Variants in FHOD3 observed in about 807,000 individuals in gnomAD.
The protein encoded by FHOD3 is formin homology 2 domain containing 3, also known as FH1/FH2 domain-containing protein 3.
In FHOD3, 90 loss-of-function variants were observed where a neutral mutation model predicts 173.0. That is an observed-to-expected ratio of 0.52 (90% confidence interval 0.44 to 0.62). The LOEUF is 0.62. Among genes scored for constraint, FHOD3 ranks in the 20% least tolerant of loss-of-function variants. The pLI, the probability that FHOD3 is intolerant of heterozygous loss-of-function variation, is 0.00. For missense variants in FHOD3, 1,945 were observed against 2,034.7 expected, an observed-to-expected ratio of 0.96 and a Z score of 0.85; for synonymous variants, 828 against 823.0, an observed-to-expected ratio of 1.01 and a Z score of -0.10.
intron 3 of FHOD3, among the ~76,000 whole-genome samples, chr18:36,495,886 A>C (rs1412145981): frequency 6.6e-6 from 1 of 152,254 alleles, no homozygotes; most frequent in East Asian, 1.9e-4. Flanking sequence ...ACACACCTGC[A>C]TAACCCAGAC....
At chr18:36,323,835 C>T (rs567124438) in intron 1 of FHOD3, among the ~76,000 whole-genome samples, 1 of 152,346 alleles carries the variant, frequency 6.6e-6, no homozygotes, top group African/African-American at 2.4e-5. Flanking sequence ...AAAGTACTAG[C>T]TTATGGTAGA....
intron 3 of FHOD3, among the ~76,000 whole-genome samples, chr18:36,484,817 C>T (rs2054110685): frequency 6.6e-6 from 1 of 152,134 alleles, no homozygotes; most frequent in South Asian, 2.1e-4. Context: ...ATTTTCCATG[C>T]CTGTGGCTCT....
chr18:36,441,293 C>T (rs1218327757), intron 3 of FHOD3, among the ~76,000 whole-genome samples: 1 of 152,124 alleles, frequency 6.6e-6, no homozygotes, highest in Non-Finnish European at 1.5e-5. Context: ...CATTGTCAGA[C>T]CCTGGGCAAA....
At position 36,769,252 on chromosome 18, in the gene FHOD3, G is replaced by A. The variant is rs774702918; in HGVS notation, c.4625-13G>A. ...TCTGAGTATGTTGTGCACTCTGGCT[G>A]TTTAATTTTTAGGATCCACTAGTTC... is the stretch of plus-strand genomic sequence containing the variant. On this transcript the variant is annotated splice_polypyrimidine_tract_variant and intron_variant, in intron 27 of 28. Coordinates refer to ENST00000590592, the MANE Select transcript of FHOD3 (RefSeq NM_001281740.3). The A allele has an allele frequency of 6.2e-7, 1 of 1,613,670 alleles. No individual in the cohort carries two copies. The highest frequency in any genetic ancestry group is 1.1e-5 in the South Asian group (1 of 91,024).
chr18:36,546,922 C>T (rs925421106), intron 5 of FHOD3, among the ~76,000 whole-genome samples: 7 of 152,170 alleles, frequency 4.6e-5, no homozygotes, highest in African/African-American at 1.7e-4. Flanking sequence ...CATAGAACCT[C>T]GAAGCAAGTA....
intron 3 of FHOD3, among the ~76,000 whole-genome samples, chr18:36,373,413 G>A (rs12606773): frequency 0.46 from 69,563 of 151,776 alleles, 16,628 homozygotes; most frequent in East Asian, 0.67. Context: ...TCAAAAGAGC[G>A]TAGATCATCC....
At chr18:36,396,876 AT>A (rs11431532) in intron 3 of FHOD3, among the ~76,000 whole-genome samples, 8 of 150,210 alleles carry the variant, frequency 5.3e-5, no homozygotes, top group Admixed American at 2.0e-4. Context: ...CTTGGTTCAC[AT>A]TTTTTTTTTA....
At chr18:36,730,274 A>G (rs1430978897) in intron 19 of FHOD3, among the ~76,000 whole-genome samples, 1 of 152,240 alleles carries the variant, frequency 6.6e-6, no homozygotes. Context: ...TATGAAGGCC[A>G]ACCAAGACAT....
At chr18:36,524,294 AAAAAG>A (rs1158822752) in intron 5 of FHOD3, among the ~76,000 whole-genome samples, 3 of 151,924 alleles carry the variant, frequency 2.0e-5, no homozygotes, top group African/African-American at 4.8e-5. Context: ...AAAAAAAAAA[AAAAAG>A]AAAAGAAAAG....
At chr18:36,524,864 C>T (rs536783579) in intron 5 of FHOD3, among the ~76,000 whole-genome samples, 1 of 152,164 alleles carries the variant, frequency 6.6e-6, no homozygotes, top group African/African-American at 2.4e-5. Context: ...AGTGCTACCT[C>T]ATTGCTTTAT....
At chr18:36,305,233 T>C (rs1414281716) in intron 1 of FHOD3, among the ~76,000 whole-genome samples, 1 of 152,162 alleles carries the variant, frequency 6.6e-6, no homozygotes, top group Non-Finnish European at 1.5e-5. Context: ...ATTTACAAAC[T>C]GGAAACATCC....
At chr18:36,486,341 G>A (rs1716718769) in intron 3 of FHOD3, among the ~76,000 whole-genome samples, 1 of 152,178 alleles carries the variant, frequency 6.6e-6, no homozygotes, top group Non-Finnish European at 1.5e-5. Context: ...TGATTTTTGT[G>A]TTGCTTTATA....
chr18:36,612,012 C>T lies in FHOD3; in HGVS notation c.874C>T (p.Leu292=), dbSNP rs1461504305. 6.2e-7 allele frequency: 1 copy of T among 1,614,044 alleles called. No individual in the cohort carries two copies. Among genetic ancestry groups the T allele is most frequent in the Non-Finnish European group, 8.5e-7 (1 of 1,180,040 alleles). Residue 292 remains leucine (L), a synonymous_variant, in exon 9 of 29, where the codon CTG becomes TTG. Coordinates refer to ENST00000590592, the MANE Select transcript of FHOD3 (RefSeq NM_001281740.3). ...CGACGTCGTGGACTGCCTGGAGGAG[C>T]TGGGCATTGCTGCTGTGTCCCAGAG... The part of the protein sequence containing the change: ...FYDVVDCLEE[L]GIAAVSQRHL...
At chr18:36,471,691 C>T (rs1012253312) in intron 3 of FHOD3, among the ~76,000 whole-genome samples, 1 of 152,156 alleles carries the variant, frequency 6.6e-6, no homozygotes, top group African/African-American at 2.4e-5. Context: ...GAGAACTTCC[C>T]TGTGGGAAAA....
intron 17 of FHOD3, among the ~76,000 whole-genome samples, chr18:36,702,769 C>T (rs904992505): frequency 2.0e-5 from 3 of 152,224 alleles, no homozygotes; most frequent in South Asian, 2.1e-4. Flanking sequence ...CTGTCAGGGA[C>T]GTGGATGAAA....
chr18:36,702,394 C>A (rs2039639893), intron 17 of FHOD3, among the ~76,000 whole-genome samples: 1 of 152,246 alleles, frequency 6.6e-6, no homozygotes, highest in Non-Finnish European at 1.5e-5. Flanking sequence ...ACTGGTCTAA[C>A]ACCAAAGGCA....
intron 27 of FHOD3, among the ~76,000 whole-genome samples, chr18:36,761,554 C>T (rs910573730): frequency 2.0e-5 from 3 of 152,110 alleles, no homozygotes; most frequent in Non-Finnish European, 4.4e-5. Context: ...GTCACCGCGG[C>T]GCTTCTCCGC....
At chr18:36,709,803 T>C (rs1455104919) in intron 18 of FHOD3, 1 of 165,456 alleles carries the variant, frequency 6.0e-6, no homozygotes, top group Admixed American at 5.9e-5. Context: ...CACATTGTCA[T>C]CTATTCCTTT....
At chr18:36,398,216 T>G (rs955383581) in intron 3 of FHOD3, among the ~76,000 whole-genome samples, 8 of 152,268 alleles carry the variant, frequency 5.3e-5, no homozygotes, top group African/African-American at 1.9e-4. Flanking sequence ...ATTACATTTA[T>G]GCTGTTCTGC....
Sources: allele counts gnomAD v4.1 joint callset (sites outside exome capture counted in the v4.1 genomes callset), GRCh38; gene constraint gnomAD v4.1.1; transcripts MANE v1.5; gene names NCBI Gene and HGNC (gene_info 2026-07-23, HGNC 2026-07-21).